ZNF503: variants seen among roughly 807,000 people sequenced by gnomAD.
The protein encoded by ZNF503 is NocA-like zinc finger 2.
A neutral mutation model predicts 34.4 loss-of-function variants in ZNF503; 15 were observed. That is an observed-to-expected ratio of 0.44 (90% CI 0.29 to 0.67). The LOEUF is 0.67. Among genes scored for constraint, ZNF503 ranks in the 30% least tolerant of loss-of-function variants. The pLI is 0.13. For synonymous variants in ZNF503, 580 were observed against 456.8 expected, an observed-to-expected ratio of 1.27 and a Z score of -3.44; for missense variants, 1,007 against 926.8, an observed-to-expected ratio of 1.09 and a Z score of -1.12.
chr10:75,336,436 GTTA>G, the ZNF503 span, among the ~76,000 whole-genome samples: 5 of 149,808 alleles, frequency 3.3e-5, no homozygotes, highest in East Asian at 2.0e-4. Context: ...AATCATCATC[GTTA>G]TTATTATTAT....
the ZNF503 span, chr10:75,382,559 T>C: frequency 4.0e-6 from 2 of 494,216 alleles, no homozygotes; most frequent in East Asian, 6.9e-5. Context: ...TGTCTCTTTC[T>C]CCTTCCCAGA....
Position 75,398,016 on chromosome 10 carries a change from TTTTC to T in ZNF503, c.*729_*732del, listed in dbSNP as rs1332713587. ...GCAAATGAGGTTTTGGAATAGAATT[TTTTC>T]TTTTTCTTTTTTTTTTTGTTGTTTT... On this transcript the variant is annotated 3_prime_UTR_variant, in exon 2 of 2. Coordinates refer to ENST00000372524, the MANE Select transcript of ZNF503 (RefSeq NM_032772.6). 4 of 149,638 alleles carry T rather than the reference TTTTC, an allele frequency of 2.7e-5. No individual in the cohort carries two copies. The highest frequency in any genetic ancestry group is 1.0e-4 in the African/African-American group (4 of 38,716). The allele number at this position is 149,638 out of a possible 1,614,324, so 9.3% of individuals were successfully genotyped here.
chr10:75,354,888 C>A, the ZNF503 span, among the ~76,000 whole-genome samples: 78 of 152,282 alleles, frequency 5.1e-4, 1 homozygote, highest in African/African-American at 1.7e-3. Flanking sequence ...CTCTATCGCC[C>A]AGGCTGGAGT....
the ZNF503 span, among the ~76,000 whole-genome samples, chr10:75,284,672 T>G: frequency 6.6e-6 from 1 of 152,084 alleles, no homozygotes; most frequent in Non-Finnish European, 1.5e-5. Flanking sequence ...GCCCTTCACC[T>G]TCAAGCTGAT....
the ZNF503 span, among the ~76,000 whole-genome samples, chr10:75,367,340 T>G: frequency 6.6e-6 from 1 of 152,180 alleles, no homozygotes; most frequent in East Asian, 1.9e-4. Context: ...TATTGCAGGA[T>G]GCTGTCACTT....
rs763020449 is a variant in ZNF503, at chr10:75,400,269, C to A, written c.421G>T (p.Gly141Trp). The A allele has an allele frequency of 6.2e-7, 1 of 1,613,328 alleles. No homozygotes were observed. Among genetic ancestry groups the A allele is most frequent in the African/African-American group, 1.3e-5 (1 of 75,052 alleles). Reference protein sequence around the residue: ...SSKLSSVASNGGGAGGAGGGA... With the variant: ...SSKLSSVASNWGGAGGAGGGA... ...CCGCCGGCACCGCCCGCGCCGCCCC[C>A]GTTGGAGGCAACCGAGGAGAGTTTG... Residue 141 changes from glycine (G) to tryptophan (W), a missense_variant, in exon 2 of 2, where the codon GGG (glycine) becomes TGG (tryptophan). By Grantham distance (184) the Gly-to-Trp change is radical. Coordinates refer to ENST00000372524, the MANE Select transcript of ZNF503 (RefSeq NM_032772.6).
chr10:75,388,065 G>T, the ZNF503 span, among the ~76,000 whole-genome samples: 3 of 152,122 alleles, frequency 2.0e-5, no homozygotes, highest in African/African-American at 7.2e-5. Context: ...CATACAGTGG[G>T]GTCAGAGAGG....
upstream of ZNF503, chr10:75,401,768 G>A (rs546695592): frequency 9.2e-5 from 30 of 325,194 alleles, no homozygotes; most frequent in South Asian, 4.3e-4. Flanking sequence ...GGGCTCTGGC[G>A]AGGAAACTCA....
chr10:75,362,493 G>T, the ZNF503 span, among the ~76,000 whole-genome samples: 2 of 151,778 alleles, frequency 1.3e-5, no homozygotes, highest in African/African-American at 2.4e-5. Context: ...TCACCCTTTG[G>T]GTCTCTAACT....
In ZNF503 at chr10:75,398,837, G is replaced by A. The variant is rs1177465048; in HGVS notation, c.1853C>T (p.Pro618Leu). Residue 618 changes from proline (P) to leucine (L), a missense_variant, in exon 2 of 2, where the codon CCG (proline) becomes CTG (leucine). Physicochemically the swap from Pro to Leu is moderately conservative, Grantham distance 98. Transcript: ENST00000372524. Reference sequence around the variant, plus strand: ...GTACGGTCCGGTGGCGGCGGGCACCGGCACGGGGGCGCCAGGCGTGGGAAG... The same window carrying A: ...GTACGGTCCGGTGGCGGCGGGCACCAGCACGGGGGCGCCAGGCGTGGGAAG... Reference protein sequence around the residue: ...SPLPTPGAPVPVPAATGPYYS... With the variant: ...SPLPTPGAPVLVPAATGPYYS... The A allele has an allele frequency of 2.0e-6, 3 of 1,500,172 alleles. No individual in the cohort carries two copies. Among genetic ancestry groups the A allele is most frequent in the South Asian group, 1.4e-5 (1 of 72,996 alleles). 92.9% of individuals were successfully genotyped at this position (1,500,172 alleles called of 1,614,324 possible). A position where few individuals can be genotyped will look rare whatever the true frequency, so the allele number is the denominator to read the frequency against.
chr10:75,339,948 G>A, the ZNF503 span, among the ~76,000 whole-genome samples: 1 of 152,068 alleles, frequency 6.6e-6, no homozygotes, highest in East Asian at 1.9e-4. Context: ...GGGCGCAGTG[G>A]CTCACGCCTG....
chr10:75,346,939 C>T, the ZNF503 span, among the ~76,000 whole-genome samples: 3 of 152,240 alleles, frequency 2.0e-5, no homozygotes, highest in Non-Finnish European at 2.9e-5. Flanking sequence ...TTAGCTGCCG[C>T]GCCTGGCCAG....
chr10:75,385,092 A>G, the ZNF503 span, among the ~76,000 whole-genome samples: 1 of 152,188 alleles, frequency 6.6e-6, no homozygotes, highest in South Asian at 2.1e-4. Context: ...GGGCCACGCC[A>G]AGGACAGAGC....
chr10:75,346,146 T>C, the ZNF503 span, among the ~76,000 whole-genome samples: 83 of 152,164 alleles, frequency 5.5e-4, no homozygotes, highest in African/African-American at 1.9e-3. Flanking sequence ...TCCTGAGAGG[T>C]AGAGGTAATA....
At chr10:75,382,548 GT>G in the ZNF503 span, 21 of 528,300 alleles carry the variant, frequency 4.0e-5, no homozygotes, top group Middle Eastern at 2.0e-3. Context: ...ATGGTGACTG[GT>G]GTCTCTTTCT....
the ZNF503 span, among the ~76,000 whole-genome samples, chr10:75,386,886 G>A: frequency 2.0e-5 from 3 of 152,242 alleles, no homozygotes; most frequent in East Asian, 1.9e-4. Flanking sequence ...TTCATCCTGG[G>A]CCTCCACTGA....
At chr10:75,336,920 C>A in the ZNF503 span, among the ~76,000 whole-genome samples, 1 of 152,256 alleles carries the variant, frequency 6.6e-6, no homozygotes, top group Non-Finnish European at 1.5e-5. Context: ...TATTTTTCTG[C>A]TACCAGCTGG....
At chr10:75,366,133 G>T in the ZNF503 span, among the ~76,000 whole-genome samples, 1 of 152,042 alleles carries the variant, frequency 6.6e-6, no homozygotes, top group African/African-American at 2.4e-5. Context: ...CCCCCCAAAA[G>T]ATTTTGATCA....
At chr10:75,387,815 G>A in the ZNF503 span, among the ~76,000 whole-genome samples, 1 of 152,206 alleles carries the variant, frequency 6.6e-6, no homozygotes, top group Admixed American at 6.5e-5. Context: ...AACCATATCT[G>A]GCTGGCAGGA....
Sources: allele counts gnomAD v4.1 joint callset (sites outside exome capture counted in the v4.1 genomes callset), GRCh38; gene constraint gnomAD v4.1.1; transcripts MANE v1.5; gene names NCBI Gene and HGNC (gene_info 2026-07-23, HGNC 2026-07-21).